The following ANKS1B variants were observed in gnomAD, a reference collection of about 807,000 sequenced individuals.
The protein encoded by ANKS1B is ankyrin repeat and sterile alpha motif domain-containing protein 1B.
ANKS1B carries 36 observed loss-of-function variants against 148.3 expected under a neutral mutation model. The observed-to-expected ratio is 0.24, with a 90% CI of 0.19 to 0.32. The LOEUF (loss-of-function observed/expected upper bound fraction) is 0.32. ANKS1B is among the 10% of genes least tolerant of loss of function. ANKS1B has a pLI of 1.00. For missense variants in ANKS1B, 1,157 were observed against 1,542.6 expected (o/e 0.75, Z 4.19); for synonymous variants, 542 against 560.8 (o/e 0.97, Z 0.47).
chr12:99,667,348 CA>C (rs1213651224), intron 8 of ANKS1B, among the ~76,000 whole-genome samples: 64 of 108,872 alleles, frequency 5.9e-4, no homozygotes, highest in African/African-American at 2.4e-3. Context: ...GACTCTGTCT[CA>C]AAAAAAAAGA....
intron 15 of ANKS1B, among the ~76,000 whole-genome samples, chr12:99,101,208 T>C (rs10735362): frequency 0.57 from 85,858 of 151,916 alleles, 25,069 homozygotes; most frequent in East Asian, 0.75. Flanking sequence ...AGTTGTTTTA[T>C]GCCTGGAAGG....
At chr12:99,552,605 A>G (rs1596909027) in intron 9 of ANKS1B, among the ~76,000 whole-genome samples, 1 of 152,222 alleles carries the variant, frequency 6.6e-6, no homozygotes, top group African/African-American at 2.4e-5. Flanking sequence ...TTCTAAAGTT[A>G]TATTATGGCT....
intron 14 of ANKS1B, among the ~76,000 whole-genome samples, chr12:99,214,984 G>T (rs972388901): frequency 6.6e-5 from 10 of 152,196 alleles, no homozygotes; most frequent in Non-Finnish European, 1.5e-4. Flanking sequence ...CTTTGAATTT[G>T]AGAGAAAGGA....
chr12:99,577,661 T>C (rs2097531597), intron 9 of ANKS1B, among the ~76,000 whole-genome samples: 1 of 151,980 alleles, frequency 6.6e-6, no homozygotes, highest in African/African-American at 2.4e-5. Flanking sequence ...CTCCCAAGAC[T>C]GAACCAGGAG....
chr12:99,552,275 G>GTC (rs1274289040), intron 9 of ANKS1B, among the ~76,000 whole-genome samples: 1 of 152,180 alleles, frequency 6.6e-6, no homozygotes, highest in Non-Finnish European at 1.5e-5. Context: ...CAGGCAGTTG[G>GTC]TCTTTTTCTT....
chr12:99,708,501 C>A (rs532833963), intron 8 of ANKS1B, among the ~76,000 whole-genome samples: 7 of 152,232 alleles, frequency 4.6e-5, no homozygotes, highest in African/African-American at 1.7e-4. Flanking sequence ...CAAGGTGCCA[C>A]AAGGGCTGCC....
intron 22 of ANKS1B, 104 bp downstream of exon 22, chr12:98,798,830 G>A (rs1439393624): frequency 1.1e-6 from 1 of 929,484 alleles, no homozygotes; most frequent in African/African-American, 1.7e-5. Flanking sequence ...TGATTCAGCA[G>A]ACCAACAGAT....
intron 14 of ANKS1B, among the ~76,000 whole-genome samples, chr12:99,219,186 C>T (rs77143688): frequency 0.016 from 2,412 of 152,230 alleles, 75 homozygotes; most frequent in African/African-American, 0.055. Flanking sequence ...CAGGTTTCTT[C>T]CTGACTATTG....
intron 1 of ANKS1B, among the ~76,000 whole-genome samples, chr12:99,832,813 G>A (rs1357143076): frequency 6.6e-6 from 1 of 151,944 alleles, no homozygotes; most frequent in Non-Finnish European, 1.5e-5. Flanking sequence ...AGCTGAGAAT[G>A]GGGCAAAAAA....
chr12:99,896,232 G>A (rs2093379738), intron 1 of ANKS1B, among the ~76,000 whole-genome samples: 1 of 150,940 alleles, frequency 6.6e-6, no homozygotes, highest in Admixed American at 6.6e-5. Context: ...ACCTCCATCT[G>A]CCCATTTCTC....
At chr12:98,753,020 C>T (rs370158871) in intron 25 of ANKS1B, among the ~76,000 whole-genome samples, 10 of 152,242 alleles carry the variant, frequency 6.6e-5, no homozygotes, top group East Asian at 5.8e-4. Flanking sequence ...AGAGCCAATT[C>T]CCCAGCTATT....
chr12:99,487,044 G>A (rs1234080004), intron 10 of ANKS1B, among the ~76,000 whole-genome samples: 1 of 152,160 alleles, frequency 6.6e-6, no homozygotes, highest in Non-Finnish European at 1.5e-5. Flanking sequence ...AGGGCTGATT[G>A]TTGGGTTAGA....
intron 5 of ANKS1B, among the ~76,000 whole-genome samples, chr12:99,781,255 T>G (rs2064292783): frequency 6.6e-6 from 1 of 152,138 alleles, no homozygotes; most frequent in Non-Finnish European, 1.5e-5. Flanking sequence ...AATTTTAACT[T>G]TGTTAAATTG....
intron 12 of ANKS1B, among the ~76,000 whole-genome samples, chr12:99,346,442 A>G (rs1181200691): frequency 4.7e-5 from 7 of 150,080 alleles, no homozygotes; most frequent in African/African-American, 1.7e-4. Context: ...CACACATAAA[A>G]TCATAAAAGC....
intron 17 of ANKS1B, among the ~76,000 whole-genome samples, chr12:98,890,222 G>A (rs1269871859): frequency 6.6e-6 from 1 of 152,142 alleles, no homozygotes; most frequent in African/African-American, 2.4e-5. Context: ...CCCAAATTTG[G>A]TTTGGAGTGA....
At chr12:99,281,829 T>C (rs1300690890) in intron 12 of ANKS1B, among the ~76,000 whole-genome samples, 6 of 152,180 alleles carry the variant, frequency 3.9e-5, no homozygotes, top group Admixed American at 2.6e-4. Flanking sequence ...ATTAAACAAG[T>C]GTGTACTGAG....
intron 9 of ANKS1B, among the ~76,000 whole-genome samples, chr12:99,646,522 C>T (rs185157119): frequency 1.3e-5 from 2 of 151,872 alleles, no homozygotes; most frequent in African/African-American, 4.8e-5. Flanking sequence ...GGCGTGGTGG[C>T]ACACGCCTGT....
Position 99,984,535 on chromosome 12 carries a change from C to A in ANKS1B, c.-298G>T. 1 of 307,370 alleles carries A rather than the reference C, an allele frequency of 3.3e-6. No homozygotes were observed. Among genetic ancestry groups the A allele is most frequent in the South Asian group, 7.7e-5 (1 of 12,942 alleles). 19.0% of individuals were successfully genotyped at this position (307,370 alleles called of 1,614,324 possible). Reference sequence around the variant, plus strand: ...TCCCAAGGCCTCGTTCCCGCGGGTGCGGCGTGAGGGGGTGGGGACTCGGGG... The same window carrying A: ...TCCCAAGGCCTCGTTCCCGCGGGTGAGGCGTGAGGGGGTGGGGACTCGGGG... On this transcript the variant is annotated 5_prime_UTR_variant, in exon 1 of 27. Coordinates refer to ENST00000683438, the MANE Select transcript of ANKS1B (RefSeq NM_001352186.2).
intron 17 of ANKS1B, among the ~76,000 whole-genome samples, chr12:98,969,412 T>C (rs2099881300): frequency 6.6e-6 from 1 of 152,164 alleles, no homozygotes; most frequent in Non-Finnish European, 1.5e-5. Context: ...AGTGATCAAA[T>C]GTGGGCCAAA....
Sources: gnomAD v4.1 joint callset for allele counts (sites outside exome capture counted in the v4.1 genomes callset) on GRCh38, gnomAD v4.1.1 for gene constraint, MANE v1.5 for transcripts, NCBI Gene and HGNC (gene_info 2026-07-23, HGNC 2026-07-21) for gene names.